Variants in IFT57 observed in about 807,000 individuals in gnomAD.
The protein encoded by IFT57 is intraflagellar transport protein 57 homolog.
A neutral mutation model predicts 56.8 loss-of-function variants in IFT57; 59 were observed. That is an observed-to-expected ratio of 1.04 (90% CI 0.84 to 1.29). The LOEUF is 1.29. Among genes scored for constraint, IFT57 ranks in the 50% most tolerant of loss-of-function variants. The pLI is 0.00. For missense variants in IFT57, 470 were observed against 522.1 expected, an observed-to-expected ratio of 0.90 and a Z score of 0.97; for synonymous variants, 209 against 186.1, an observed-to-expected ratio of 1.12 and a Z score of -1.00.
intron 4 of IFT57, among the ~76,000 whole-genome samples, chr3:108,207,765 C>T (rs998008897): frequency 1.5e-4 from 23 of 152,060 alleles, no homozygotes; most frequent in African/African-American, 5.1e-4. Context: ...GGGGGTTGGC[C>T]GGGCGCGATG....
At chr3:108,218,246 A>G (rs1396007336) in intron 3 of IFT57, 1 of 183,998 alleles carries the variant, frequency 5.4e-6, no homozygotes, top group African/African-American at 2.3e-5. Context: ...GACTTTAAAA[A>G]AAAAGTCCAG....
intron 10 of IFT57, among the ~76,000 whole-genome samples, 196 bp downstream of exon 10, chr3:108,163,467 T>C (rs1040610033): frequency 2.0e-5 from 3 of 152,148 alleles, no homozygotes; most frequent in African/African-American, 4.8e-5. Flanking sequence ...AAATTATAGT[T>C]AAAAAGCCTA....
At chr3:108,207,786 G>C (rs2080321330) in intron 4 of IFT57, among the ~76,000 whole-genome samples, 1 of 152,206 alleles carries the variant, frequency 6.6e-6, no homozygotes, top group African/African-American at 2.4e-5. Context: ...GCTCACGCTT[G>C]TAATCCCAGC....
rs766676992 is a variant in IFT57, at chr3:108,166,998, T to C, written c.850-13A>G. On this transcript the variant is annotated splice_polypyrimidine_tract_variant and intron_variant, in intron 7 of 10. Transcript: ENST00000264538. Reference sequence around the variant, plus strand: ...TGTCCAAAAATCCCTAGAAATTCCATGGAATTTGCAGATAGAAGAACTCAC... The same window carrying C: ...TGTCCAAAAATCCCTAGAAATTCCACGGAATTTGCAGATAGAAGAACTCAC... The C allele has an allele frequency of 1.1e-5, 18 of 1,603,266 alleles. No homozygotes were observed. Among genetic ancestry groups the C allele is most frequent in the Non-Finnish European group, 1.4e-5 (17 of 1,175,052 alleles).
At chr3:108,169,767 C>A (rs1230608689) in intron 6 of IFT57, among the ~76,000 whole-genome samples, 1 of 151,852 alleles carries the variant, frequency 6.6e-6, no homozygotes, top group Non-Finnish European at 1.5e-5. Context: ...ACTGGCAAAC[C>A]AAATCCAGCA....
chr3:108,215,823 C>T (rs1454524154), intron 3 of IFT57, among the ~76,000 whole-genome samples: 1 of 152,102 alleles, frequency 6.6e-6, no homozygotes, highest in East Asian at 1.9e-4. Flanking sequence ...TTTTATTCCT[C>T]ATTTAAACAT....
At position 108,181,305 on chromosome 3, in the gene IFT57, A is replaced by G. The variant is rs374233751; in HGVS notation, c.777+10216T>C. Among the ~76,000 whole-genome samples, 8 of 152,186 alleles carry G rather than the reference A, an allele frequency of 5.3e-5. No individual in the cohort carries two copies. In the East Asian group the frequency reaches 1.2e-3, roughly 22 times the overall value. ...CTCCACCCCTTTACTGTATTTTTACATGTATAATTTTAAGCACAATATTCC... is the reference window on the plus strand; with the variant it reads ...CTCCACCCCTTTACTGTATTTTTACGTGTATAATTTTAAGCACAATATTCC... On this transcript the variant is annotated intron_variant, in intron 6 of 10. Transcript: ENST00000264538.
rs1370021429 is a variant in IFT57, at chr3:108,163,657, A to C, written c.1111+6T>G. The C allele has an allele frequency of 6.2e-7, 1 of 1,603,714 alleles. No individual in the cohort carries two copies. The highest frequency in any genetic ancestry group is 1.1e-5 in the South Asian group (1 of 90,678). On this transcript the variant is annotated splice_donor_region_variant and intron_variant, in intron 10 of 10. Coordinates refer to ENST00000264538, the MANE Select transcript of IFT57 (RefSeq NM_018010.4). ...AGTTTTTCCCCTAAAATGAGCATGTACTTACCACCATCAGTCATGCTGCTG... is the reference window on the plus strand; with the variant it reads ...AGTTTTTCCCCTAAAATGAGCATGTCCTTACCACCATCAGTCATGCTGCTG...
At chr3:108,178,447 G>A (rs11915212) in intron 6 of IFT57, among the ~76,000 whole-genome samples, 14,638 of 151,876 alleles carry the variant, frequency 0.096, 768 homozygotes, top group Middle Eastern at 0.12. Context: ...GTATATTAAA[G>A]TTAAGTCACT....
At chr3:108,215,023 C>T (rs951342764) in intron 3 of IFT57, among the ~76,000 whole-genome samples, 2 of 152,144 alleles carry the variant, frequency 1.3e-5, no homozygotes, top group Admixed American at 6.6e-5. Context: ...TTCATATTTA[C>T]ATCTTTGATC....
chr3:108,213,908 A>C, intron 4 of IFT57, 23 bp downstream of exon 4: 1 of 1,433,758 alleles, frequency 7.0e-7, no homozygotes, highest in Non-Finnish European at 9.8e-7. Flanking sequence ...GAAAATGAAC[A>C]GAAAGTTCAG....
chr3:108,166,580 G>A (rs973294251), intron 8 of IFT57, among the ~76,000 whole-genome samples: 16 of 151,992 alleles, frequency 1.1e-4, no homozygotes, highest in African/African-American at 3.4e-4. Flanking sequence ...CTCTGTTCCT[G>A]TTCTAAGCTA....
At position 108,218,515 on chromosome 3, in the gene IFT57, T is replaced by C; in HGVS notation, c.494+20A>G. On this transcript the variant is annotated intron_variant, in intron 3 of 10. Coordinates refer to ENST00000264538, the MANE Select transcript of IFT57 (RefSeq NM_018010.4). ...TGCTATGCCCATAAAATTACTATCA[T>C]CAGGGTGGGTAATTTTTACCTTTTC... 1 of 1,161,524 alleles carries C rather than the reference T, an allele frequency of 8.6e-7. No individual in the cohort carries two copies. The highest frequency in any genetic ancestry group is 1.4e-5 in the South Asian group (1 of 71,148). The allele number at this position is 1,161,524 out of a possible 1,614,324, so 72.0% of individuals were successfully genotyped here.
intron 1 of IFT57, among the ~76,000 whole-genome samples, chr3:108,219,957 C>T (rs1467995397): frequency 2.6e-5 from 4 of 152,164 alleles, no homozygotes; most frequent in Non-Finnish European, 4.4e-5. Flanking sequence ...AAGACCTCAA[C>T]GATTACTCAT....
chr3:108,191,292 A>G (rs1291841444), intron 6 of IFT57, among the ~76,000 whole-genome samples: 1 of 152,192 alleles, frequency 6.6e-6, no homozygotes, highest in Non-Finnish European at 1.5e-5. Flanking sequence ...CTAGGCAAAT[A>G]TGATGTCTTC....
intron 5 of IFT57, among the ~76,000 whole-genome samples, chr3:108,199,393 A>T (rs1050942396): frequency 2.0e-5 from 3 of 152,256 alleles, no homozygotes; most frequent in Non-Finnish European, 2.9e-5. Flanking sequence ...AGACAGGCAG[A>T]AAAGAGACAA....
chr3:108,198,432 G>A (rs1294773985), intron 5 of IFT57, among the ~76,000 whole-genome samples: 2 of 152,084 alleles, frequency 1.3e-5, no homozygotes, highest in Non-Finnish European at 2.9e-5. Context: ...TGGTGTGTGC[G>A]TGTGTGTGTC....
intron 3 of IFT57, among the ~76,000 whole-genome samples, chr3:108,216,466 C>A (rs988822552): frequency 6.6e-6 from 1 of 152,082 alleles, no homozygotes; most frequent in African/African-American, 2.4e-5. Context: ...CCCTCGCCCC[C>A]CAAAATAACA....
At chr3:108,165,555 G>C in intron 8 of IFT57, 62 bp from the exon 9 acceptor site, 1 of 1,310,992 alleles carries the variant, frequency 7.6e-7, no homozygotes, top group South Asian at 1.2e-5. Flanking sequence ...AAATACGACT[G>C]ACCTCTTTGT....
Sources: gnomAD v4.1 joint callset for allele counts (sites outside exome capture counted in the v4.1 genomes callset) on GRCh38, gnomAD v4.1.1 for gene constraint, MANE v1.5 for transcripts, NCBI Gene and HGNC (gene_info 2026-07-23, HGNC 2026-07-21) for gene names.